Variants in DCAF8L2 observed in about 807,000 individuals in gnomAD.
The protein encoded by DCAF8L2 is DDB1- and CUL4-associated factor 8-like protein 2.
For missense variants in DCAF8L2, 430 were observed against 490.7 expected, an observed-to-expected ratio of 0.88 and a Z score of 1.17; for synonymous variants, 200 against 190.9, an observed-to-expected ratio of 1.05 and a Z score of -0.39.
At chrX:27,493,270 T>C in the DCAF8L2 span, among the ~76,000 whole-genome samples, 1 of 110,850 alleles carries the variant, frequency 9.0e-6, no homozygotes, top group Admixed American at 9.6e-5. Flanking sequence ...AAAACGAGAT[T>C]GATGTTTTCA....
intron 4 of DCAF8L2, among the ~76,000 whole-genome samples, chrX:27,745,592 A>G (rs1306719015): frequency 8.9e-6 from 1 of 112,018 alleles, no homozygotes; most frequent in Non-Finnish European, 1.9e-5. Context: ...TTCTGTTACT[A>G]TTGGCCTTGG....
chrX:27,747,549 C>A lies in DCAF8L2; in HGVS notation c.654C>A (p.Phe218Leu). ...GGGCAAGAGCCTTTGTGCAGCGTTT[C>A]CGCCTGCAATATCGTCTTGCAGACC... is the stretch of plus-strand genomic sequence containing the variant. ...ACGARAFVQR[F>L]RLQYRLADHV... The change falls in exon 5 of 5, where the codon TTC (phenylalanine) becomes TTA (leucine). Residue 218 changes from phenylalanine to leucine, a missense_variant. Transcript: ENST00000451261. 1 of 1,184,870 alleles carries A rather than the reference C, an allele frequency of 8.4e-7. No homozygotes were observed. The highest frequency in any genetic ancestry group is 1.1e-6 in the Non-Finnish European group (1 of 881,577).
At chrX:27,633,101 C>A (rs774045526) in intron 2 of DCAF8L2, 1 of 112,138 alleles carries the variant, frequency 8.9e-6, no homozygotes, top group African/African-American at 3.2e-5. Context: ...AGTTAAACTT[C>A]TGTGAGTAAA....
At chrX:27,668,012 G>T (rs1034883208) in intron 2 of DCAF8L2, among the ~76,000 whole-genome samples, 2 of 111,783 alleles carry the variant, frequency 1.8e-5, no homozygotes, top group Non-Finnish European at 3.8e-5. Context: ...TTCTTAATGT[G>T]ATGGCTATGG....
At chrX:27,613,259 A>G (rs1282166260) in intron 1 of DCAF8L2, among the ~76,000 whole-genome samples, 1 of 110,720 alleles carries the variant, frequency 9.0e-6, no homozygotes, top group Non-Finnish European at 1.9e-5. Flanking sequence ...TTTGTCTGTT[A>G]TTGGTGTATA....
chrX:27,678,029 A>AT (rs906822917), intron 3 of DCAF8L2, 117 bp downstream of exon 3: 3 of 111,377 alleles, frequency 2.7e-5, no homozygotes, highest in Non-Finnish European at 3.8e-5. Context: ...ATTCAAAAAT[A>AT]TTTCAGAGTT....
the DCAF8L2 span, among the ~76,000 whole-genome samples, chrX:27,501,975 G>T: frequency 9.1e-6 from 1 of 109,852 alleles, no homozygotes. Flanking sequence ...ATAAATATGT[G>T]AAAGAGCATG....
intron 2 of DCAF8L2, among the ~76,000 whole-genome samples, chrX:27,658,362 T>C (rs1307396478): frequency 8.9e-6 from 1 of 111,940 alleles, no homozygotes; most frequent in Non-Finnish European, 1.9e-5. Context: ...GGTTAAGCCA[T>C]ACACAGAGAA....
the DCAF8L2 span, among the ~76,000 whole-genome samples, chrX:27,558,595 CTTT>C: frequency 1.8e-5 from 2 of 110,712 alleles, no homozygotes; most frequent in African/African-American, 6.6e-5. Flanking sequence ...AGTATTCCTT[CTTT>C]TTTTAAATTT....
At chrX:27,692,690 T>C (rs1930754739) in intron 3 of DCAF8L2, among the ~76,000 whole-genome samples, 1 of 112,034 alleles carries the variant, frequency 8.9e-6, no homozygotes, top group South Asian at 3.7e-4. Context: ...AAGTTGTTTA[T>C]CTACTTTGGT....
chrX:27,561,076 A>C, the DCAF8L2 span, among the ~76,000 whole-genome samples: 1 of 112,329 alleles, frequency 8.9e-6, no homozygotes, highest in South Asian at 3.7e-4. Flanking sequence ...AGACTTGAAA[A>C]GACCAACTTG....
At chrX:27,588,070 G>A (rs946701132), upstream of DCAF8L2, among the ~76,000 whole-genome samples, 1 of 104,878 alleles carries the variant, frequency 9.5e-6, no homozygotes, top group Non-Finnish European at 1.9e-5. Flanking sequence ...TGTTACATGG[G>A]TATATTGCAT....
At chrX:27,691,433 C>G (rs1463713504) in intron 3 of DCAF8L2, among the ~76,000 whole-genome samples, 1 of 111,161 alleles carries the variant, frequency 9.0e-6, no homozygotes, top group Non-Finnish European at 1.9e-5. Flanking sequence ...TAAAATTCCA[C>G]CTAAATCATT....
At position 27,616,661 on chromosome X, in the gene DCAF8L2, C is replaced by T. The variant is rs547279927; in HGVS notation, c.-341-15218C>T. On this transcript the variant is annotated intron_variant, in intron 1 of 4. Transcript: ENST00000451261. ...ACTCTTGCCACTACTTATCGTATTACGTTGATTCTCTCTTAAGGCGGAAGG... is the reference window on the plus strand; with the variant it reads ...ACTCTTGCCACTACTTATCGTATTATGTTGATTCTCTCTTAAGGCGGAAGG... Among the ~76,000 whole-genome samples the T allele has an allele frequency of 1.4e-4, 16 of 111,400 alleles. No individual in the cohort carries two copies. In the South Asian group the frequency reaches 6.0e-3, roughly 42 times the overall value.
intron 2 of DCAF8L2, among the ~76,000 whole-genome samples, chrX:27,652,126 T>C (rs1165264905): frequency 9.0e-6 from 1 of 110,791 alleles, no homozygotes; most frequent in African/African-American, 3.3e-5. Context: ...GGAGTTTCAT[T>C]TTGTTCATTT....
At chrX:27,528,509 C>T in the DCAF8L2 span, among the ~76,000 whole-genome samples, 2 of 101,702 alleles carry the variant, frequency 2.0e-5, no homozygotes, top group African/African-American at 7.3e-5. Flanking sequence ...TATACACACA[C>T]ACACACATAC....
At chrX:27,575,350 A>G in the DCAF8L2 span, among the ~76,000 whole-genome samples, 9 of 111,648 alleles carry the variant, frequency 8.1e-5, no homozygotes, top group African/African-American at 2.3e-4. Context: ...TTACAGGCCC[A>G]GGATGGGGGT....
At chrX:27,721,460 A>G (rs1325621182) in intron 4 of DCAF8L2, among the ~76,000 whole-genome samples, 1 of 111,864 alleles carries the variant, frequency 8.9e-6, no homozygotes, top group East Asian at 2.8e-4. Flanking sequence ...AAACGTATTT[A>G]AATAAATACA....
chrX:27,476,063 G>A, the DCAF8L2 span, among the ~76,000 whole-genome samples: 1 of 111,219 alleles, frequency 9.0e-6, no homozygotes, highest in Non-Finnish European at 1.9e-5. Flanking sequence ...GTGACTTGAA[G>A]CATAATAATT....
Sources: allele counts gnomAD v4.1 joint callset (sites outside exome capture counted in the v4.1 genomes callset), GRCh38; gene constraint gnomAD v4.1.1; transcripts MANE v1.5; gene names NCBI Gene and HGNC (gene_info 2026-07-23, HGNC 2026-07-21).